SLC2A13: variants seen among roughly 807,000 people sequenced by gnomAD.
SLC2A13 encodes the protein proton myo-inositol cotransporter.
SLC2A13 carries 32 observed loss-of-function variants against 64.4 expected under a neutral mutation model. The observed-to-expected ratio is 0.50, with a 90% CI of 0.37 to 0.67. The LOEUF (loss-of-function observed/expected upper bound fraction) is 0.67. Ranked by LOEUF, SLC2A13 falls within the 30% of genes least tolerant of loss-of-function variation. SLC2A13 has a pLI of 0.00. For synonymous variants in SLC2A13, 338 were observed against 327.1 expected (o/e 1.03, Z -0.36); for missense variants, 743 against 829.2 (o/e 0.90, Z 1.28).
At chr12:40,099,896 A>G (rs1939088627) in intron 1 of SLC2A13, among the ~76,000 whole-genome samples, 1 of 149,920 alleles carries the variant, frequency 6.7e-6, no homozygotes, top group South Asian at 2.1e-4. Flanking sequence ...AGTGGGGAGT[A>G]GTGGAAAAAA....
chr12:40,047,266 G>A (rs1592037297), intron 2 of SLC2A13, among the ~76,000 whole-genome samples: 1 of 152,160 alleles, frequency 6.6e-6, no homozygotes, highest in African/African-American at 2.4e-5. Flanking sequence ...GCAAACAAGG[G>A]TTTGAGTTTA....
intron 3 of SLC2A13, among the ~76,000 whole-genome samples, chr12:39,959,745 T>C (rs1400014990): frequency 6.6e-6 from 1 of 152,118 alleles, no homozygotes; most frequent in African/African-American, 2.4e-5. Context: ...TACGAAGAAT[T>C]ACTGTTCTAG....
chr12:39,969,053 G>GT (rs1004405921), intron 3 of SLC2A13, among the ~76,000 whole-genome samples: 3 of 151,836 alleles, frequency 2.0e-5, no homozygotes, highest in African/African-American at 4.8e-5. Context: ...GTGGTGTTTG[G>GT]TTTTTTTGTC....
chr12:40,103,345 G>T (rs1310535116), intron 1 of SLC2A13, among the ~76,000 whole-genome samples: 1 of 152,090 alleles, frequency 6.6e-6, no homozygotes, highest in Admixed American at 6.5e-5. Context: ...AGAGCTTCTG[G>T]CTTCCCTCTG....
At chr12:39,792,739 T>C (rs1249991090) in intron 7 of SLC2A13, among the ~76,000 whole-genome samples, 2 of 152,102 alleles carry the variant, frequency 1.3e-5, no homozygotes, top group African/African-American at 4.8e-5. Flanking sequence ...AGTACTGTAT[T>C]TTTTTATTCC....
intron 7 of SLC2A13, among the ~76,000 whole-genome samples, chr12:39,774,182 G>T (rs1257950294): frequency 6.6e-6 from 1 of 152,176 alleles, no homozygotes; most frequent in Non-Finnish European, 1.5e-5. Context: ...AAAGCACAGA[G>T]TATCTCTCCA....
chr12:39,958,853 T>C (rs1946362243), intron 3 of SLC2A13, among the ~76,000 whole-genome samples: 1 of 152,066 alleles, frequency 6.6e-6, no homozygotes, highest in African/African-American at 2.4e-5. Flanking sequence ...CACTCCTGGC[T>C]AATTTGTTTT....
At chr12:40,022,584 C>CA (rs1411054488) in intron 3 of SLC2A13, among the ~76,000 whole-genome samples, 1 of 152,190 alleles carries the variant, frequency 6.6e-6, no homozygotes, top group Non-Finnish European at 1.5e-5. Flanking sequence ...TGCCTGTAAT[C>CA]TTAGCACTTT....
chr12:39,850,794 T>G (rs1240411023), intron 6 of SLC2A13, among the ~76,000 whole-genome samples: 1 of 152,204 alleles, frequency 6.6e-6, no homozygotes, highest in Non-Finnish European at 1.5e-5. Context: ...GTTTATTATA[T>G]CACACGGAAT....
rs540647239 is a variant in SLC2A13, at chr12:39,925,110, G to A, written c.1034+26147C>T. ...GAGTGCAAAGGCATGATCATGGATC[G>A]CTCACTCGATCTCCTGAGCTAAATC... On this transcript the variant is annotated intron_variant, in intron 4 of 9. Transcript: ENST00000280871. Among the ~76,000 whole-genome samples, 368 of 142,642 alleles carry A rather than the reference G, an allele frequency of 2.6e-3. 1 individual carries two copies. Among genetic ancestry groups the A allele is most frequent in the South Asian group, 1.3e-3 (6 of 4,520 alleles). 93.6% of individuals were successfully genotyped at this position (142,642 alleles called of 152,430 possible). A position where few individuals can be genotyped will look rare whatever the true frequency, so the allele number is the denominator to read the frequency against.
intron 5 of SLC2A13, among the ~76,000 whole-genome samples, chr12:39,866,640 C>T (rs1395717996): frequency 2.6e-5 from 4 of 152,072 alleles, no homozygotes; most frequent in Admixed American, 6.6e-5. Context: ...CCACCTCGCC[C>T]GGCTAATTTT....
At chr12:39,970,801 T>A (rs545937779) in intron 3 of SLC2A13, among the ~76,000 whole-genome samples, 8 of 152,348 alleles carry the variant, frequency 5.3e-5, no homozygotes, top group African/African-American at 1.4e-4. Context: ...TGGCTATCAA[T>A]ACTTTTCACC....
chr12:39,910,337 C>CAG (rs1945401360), intron 4 of SLC2A13, among the ~76,000 whole-genome samples: 2 of 152,078 alleles, frequency 1.3e-5, no homozygotes, highest in Non-Finnish European at 2.9e-5. Flanking sequence ...ATAAACTATG[C>CAG]ATTGATGCTC....
Position 39,974,762 on chromosome 12 carries a change from A to C in SLC2A13, c.926-23397T>G, listed in dbSNP as rs1446525620. Among the ~76,000 whole-genome samples, 2 of 152,186 alleles carry C rather than the reference A, an allele frequency of 1.3e-5. 1 individual carries two copies. Among genetic ancestry groups the C allele is most frequent in the East Asian group, 3.8e-4 (2 of 5,200 alleles). ...CACTGAATACCATTGCCTGTAAACT[A>C]ATTGAGAAGTTTTACACTGTGAATT... On this transcript the variant is annotated intron_variant, in intron 3 of 9. Coordinates refer to ENST00000280871, the MANE Select transcript of SLC2A13 (RefSeq NM_052885.4).
intron 1 of SLC2A13, among the ~76,000 whole-genome samples, chr12:40,078,413 T>G (rs1322856968): frequency 6.6e-6 from 1 of 152,156 alleles, no homozygotes; most frequent in Non-Finnish European, 1.5e-5. Context: ...GATCATCATG[T>G]GGTTTTCAGT....
Position 39,828,699 on chromosome 12 carries a change from T to C in SLC2A13, c.1445+1404A>G, listed in dbSNP as rs186299169. On this transcript the variant is annotated intron_variant, in intron 7 of 9. Transcript: ENST00000280871. ...TCATAACATGTTTATAATTCTAGAC[T>C]AGTAGTAACTTAGTTTTTTTTTTTT... Among the ~76,000 whole-genome samples, 437 of 130,526 alleles carry C rather than the reference T, an allele frequency of 3.3e-3. 3 individuals carry two copies. The highest frequency in any genetic ancestry group is 5.3e-3 in the Non-Finnish European group (336 of 63,152). 85.6% of individuals were successfully genotyped at this position (130,526 alleles called of 152,430 possible). A position where few individuals can be genotyped will look rare whatever the true frequency, so the allele number is the denominator to read the frequency against.
intron 4 of SLC2A13, among the ~76,000 whole-genome samples, chr12:39,913,411 T>A (rs1341803344): frequency 6.6e-6 from 1 of 151,014 alleles, no homozygotes; most frequent in African/African-American, 2.4e-5. Flanking sequence ...GAATAAAAAC[T>A]AAAATAAGAT....
rs1439905334 is a variant in SLC2A13 at position 40,105,745 on chromosome 12, C to G, written c.64G>C (p.Glu22Gln). 8 of 1,488,912 alleles carry G rather than the reference C, an allele frequency of 5.4e-6. No individual in the cohort carries two copies. The highest frequency in any genetic ancestry group is 7.1e-6 in the Non-Finnish European group (8 of 1,120,108). 92.2% of individuals were successfully genotyped at this position (1,488,912 alleles called of 1,614,324 possible). A position where few individuals can be genotyped will look rare whatever the true frequency, so the allele number is the denominator to read the frequency against. ...GGCTCCGGCTGCTTCCTGCGCCGCT[C>G]GCCCATCAGGCTGCTCAGGCTCCGC... ...TLRSLSSLMG[E>Q]RRRKQPEPDA... The change falls in exon 1 of 10, where the codon GAG becomes CAG. Residue 22 changes from glutamate to glutamine, a missense_variant. Transcript: ENST00000280871. This position sits in a 1 kb window ranked among gnomAD's most constrained non-coding sequence, Gnocchi z 4.2.
At chr12:39,909,394 A>T (rs538795213) in intron 4 of SLC2A13, among the ~76,000 whole-genome samples, 6 of 152,094 alleles carry the variant, frequency 3.9e-5, no homozygotes, top group Non-Finnish European at 8.8e-5. Flanking sequence ...TTTGTCAATA[A>T]GGTGGAAAAA....
Sources: gnomAD v4.1 joint callset for allele counts (sites outside exome capture counted in the v4.1 genomes callset) on GRCh38, gnomAD v4.1.1 for gene constraint, Gnocchi (gnomAD v3.1) non-coding constraint, MANE v1.5 for transcripts, NCBI Gene and HGNC (gene_info 2026-07-23, HGNC 2026-07-21) for gene names.